Variants in PUS10 observed in about 807,000 individuals in gnomAD.
PUS10 encodes the protein pseudouridine synthase 10.
In PUS10, 59 loss-of-function variants were observed where a neutral mutation model predicts 75.0. The observed-to-expected ratio is 0.79, with a 90% confidence interval of 0.64 to 0.98. The LOEUF (loss-of-function observed/expected upper bound fraction) is 0.98, where lower values mean the gene tolerates loss of function less well. Ranked by LOEUF, PUS10 falls within the 50% of genes least tolerant of loss-of-function variation. The pLI, the probability that PUS10 is intolerant of heterozygous loss-of-function variation, is 0.00. For missense variants in PUS10, 650 were observed against 614.4 expected (o/e 1.06, Z -0.61); for synonymous variants, 219 against 211.6 (o/e 1.03, Z -0.30).
At chr2:61,011,972 G>T in intron 1 of PUS10, 67 bp from the exon 2 acceptor site, 1 of 1,306,206 alleles carries the variant, frequency 7.7e-7, no homozygotes, top group Non-Finnish European at 1.0e-6. Flanking sequence ...AAGTCATCAT[G>T]TTTAGGGATA....
intron 1 of PUS10, chr2:61,017,489 A>G: frequency 2.9e-6 from 1 of 349,274 alleles, no homozygotes. Flanking sequence ...TGTAGCCGCT[A>G]CCAGAAATAT....
intron 2 of PUS10, among the ~76,000 whole-genome samples, chr2:61,011,217 T>C (rs1679576081): frequency 6.6e-6 from 1 of 152,196 alleles, no homozygotes; most frequent in African/African-American, 2.4e-5. Flanking sequence ...AAAAAAGTGT[T>C]ATATTAAACC....
intron 3 of PUS10, 61 bp downstream of exon 3, chr2:61,008,700 T>C: frequency 7.7e-7 from 1 of 1,303,670 alleles, no homozygotes; most frequent in Non-Finnish European, 1.0e-6. Context: ...AAAAGAATTC[T>C]TGGTTTTAAG....
rs1251242271 is a variant in PUS10 at position 60,940,256 on chromosome 2, TTTTCCAGG to T, written c.*2131_*2138del. On this transcript the variant is annotated 3_prime_UTR_variant, in exon 18 of 18. Transcript: ENST00000316752. ...TTTACCAACTTTATTTTCTTTTGAC[TTTTCCAGG>T]TATTCAGAGTTGATGTTTTTCCTAA... The T allele has an allele frequency of 6.6e-6, 1 of 152,328 alleles. No individual in the cohort carries two copies. Among genetic ancestry groups the T allele is most frequent in the African/African-American group, 2.4e-5 (1 of 41,464 alleles). The allele number at this position is 152,328 out of a possible 1,614,324, so 9.4% of individuals were successfully genotyped here.
chr2:60,948,783 C>T (rs1675151276), intron 15 of PUS10, among the ~76,000 whole-genome samples: 1 of 152,074 alleles, frequency 6.6e-6, no homozygotes, highest in African/African-American at 2.4e-5. Context: ...TTTAGGGACA[C>T]AGGCTTGTTT....
chr2:61,006,610 A>T lies in PUS10; in HGVS notation c.415T>A (p.Phe139Ile). Residue 139 changes from phenylalanine to isoleucine, a missense_variant, in exon 4 of 18, where the codon TTC (phenylalanine) becomes ATC (isoleucine). By Grantham distance (21) the Phe-to-Ile change is conservative. Transcript: ENST00000316752. Reference protein sequence around the residue: ...CQKVEASGFEFTSLVFSVSFP... With the variant: ...CQKVEASGFEITSLVFSVSFP... ...GAGACTGAAAATACCAAGCTGGTGA[A>T]TTCAAACCCAGAGGCCTCAACCTTT... 6.2e-7 allele frequency: 1 copy of T among 1,613,566 alleles called. No individual in the cohort carries two copies. The highest frequency in any genetic ancestry group is 8.5e-7 in the Non-Finnish European group (1 of 1,179,782).
chr2:61,001,348 C>T (rs919014510), intron 4 of PUS10, among the ~76,000 whole-genome samples: 32 of 151,728 alleles, frequency 2.1e-4, no homozygotes, highest in Non-Finnish European at 4.1e-4. Context: ...ACAATCTTGG[C>T]TCACTGCAGC....
At chr2:60,955,800 C>T (rs1675610223) in intron 11 of PUS10, among the ~76,000 whole-genome samples, 1 of 152,158 alleles carries the variant, frequency 6.6e-6, no homozygotes, top group African/African-American at 2.4e-5. Context: ...AACGCCAAGG[C>T]AGAGTCCTGT....
In PUS10 at chr2:60,942,290, T is replaced by G; in HGVS notation, c.*105A>C. 1 of 893,888 alleles carries G rather than the reference T, an allele frequency of 1.1e-6. No homozygotes were observed. The highest frequency in any genetic ancestry group is 1.9e-6 in the Non-Finnish European group (1 of 528,382). 55.4% of individuals were successfully genotyped at this position (893,888 alleles called of 1,614,324 possible). ...ATAGATCAACATGATCCAAATAGTT[T>G]TCAAGACACCGTTATGGTGGGTAAA... On this transcript the variant is annotated 3_prime_UTR_variant, in exon 18 of 18. Coordinates refer to ENST00000316752, the MANE Select transcript of PUS10 (RefSeq NM_144709.4).
At chr2:60,977,554 G>C (rs1040358350) in intron 4 of PUS10, among the ~76,000 whole-genome samples, 1 of 152,142 alleles carries the variant, frequency 6.6e-6, no homozygotes, top group African/African-American at 2.4e-5. Flanking sequence ...CATCATTTTT[G>C]TACTATTGTT....
chr2:60,952,348 A>C (rs890940800), intron 15 of PUS10, among the ~76,000 whole-genome samples: 1 of 152,012 alleles, frequency 6.6e-6, no homozygotes, highest in South Asian at 2.1e-4. Flanking sequence ...AAAAAAAAAA[A>C]AAAAGAAAAA....
intron 4 of PUS10, among the ~76,000 whole-genome samples, chr2:60,988,517 A>C (rs1677866242): frequency 6.6e-6 from 1 of 152,260 alleles, no homozygotes; most frequent in Non-Finnish European, 1.5e-5. Flanking sequence ...CAGTAAATAC[A>C]AATAATGTAA....
At chr2:60,978,288 GGTGC>G (rs1677162738) in intron 4 of PUS10, among the ~76,000 whole-genome samples, 1 of 151,870 alleles carries the variant, frequency 6.6e-6, no homozygotes, top group Non-Finnish European at 1.5e-5. Flanking sequence ...CGGGTGTGGT[GGTGC>G]GCACCTGTAA....
chr2:60,995,921 T>G (rs946066432), intron 4 of PUS10, among the ~76,000 whole-genome samples: 6 of 152,336 alleles, frequency 3.9e-5, no homozygotes, highest in South Asian at 2.1e-4. Flanking sequence ...ACTTCTTTTC[T>G]TCCTTGCTTC....
chr2:60,956,682 T>C (rs1675673445), intron 11 of PUS10, among the ~76,000 whole-genome samples: 1 of 151,968 alleles, frequency 6.6e-6, no homozygotes, highest in African/African-American at 2.4e-5. Flanking sequence ...TTTAGAAAAA[T>C]GTTTCAAACC....
intron 15 of PUS10, among the ~76,000 whole-genome samples, chr2:60,948,571 T>A (rs987579271): frequency 4.0e-5 from 6 of 151,358 alleles, no homozygotes; most frequent in African/African-American, 1.2e-4. Context: ...CTGTCAGGGG[T>A]GGGTTGTTTT....
At chr2:61,000,055 C>T (rs73932677) in intron 4 of PUS10, among the ~76,000 whole-genome samples, 5,739 of 152,010 alleles carry the variant, frequency 0.038, 389 homozygotes, top group African/African-American at 0.13. Context: ...GGTCCTAGAA[C>T]CAACCCCCCA....
At chr2:61,011,613 C>T in intron 2 of PUS10, 152 bp downstream of exon 2, 1 of 548,560 alleles carries the variant, frequency 1.8e-6, no homozygotes, top group African/African-American at 2.0e-5. Flanking sequence ...TGAGACTATT[C>T]CAAAATTATG....
At chr2:60,994,926 T>C (rs937735163) in intron 4 of PUS10, among the ~76,000 whole-genome samples, 1 of 152,092 alleles carries the variant, frequency 6.6e-6, no homozygotes, top group Non-Finnish European at 1.5e-5. Flanking sequence ...CTGTCTCTAC[T>C]AAAAATACAA....
Sources: allele counts gnomAD v4.1 joint callset (sites outside exome capture counted in the v4.1 genomes callset), GRCh38; gene constraint gnomAD v4.1.1; transcripts MANE v1.5; gene names NCBI Gene and HGNC (gene_info 2026-07-23, HGNC 2026-07-21).